The following MAGI1 variants were observed in gnomAD, a reference collection of about 807,000 sequenced individuals.
The protein encoded by MAGI1 is membrane-associated guanylate kinase, WW and PDZ domain-containing protein 1.
MAGI1 carries 58 observed loss-of-function variants against 139.9 expected under a neutral mutation model. The ratio of observed to expected loss-of-function variants is 0.41; its 90% CI spans 0.34 to 0.52. The LOEUF (loss-of-function observed/expected upper bound fraction) is 0.52. MAGI1 is among the 20% of genes least tolerant of loss of function. MAGI1 has a pLI of 0.12. For synonymous variants in MAGI1, 812 were observed against 737.9 expected, an observed-to-expected ratio of 1.10 and a Z score of -1.63; for missense variants, 1,874 against 1,901.6, an observed-to-expected ratio of 0.99 and a Z score of 0.27.
intron 1 of MAGI1, among the ~76,000 whole-genome samples, chr3:65,803,753 C>T (rs557187845): frequency 1.3e-5 from 2 of 152,112 alleles, no homozygotes; most frequent in Non-Finnish European, 2.9e-5. Flanking sequence ...TCTGTGTCCA[C>T]GTGTTCTCAT....
chr3:65,660,900 A>G (rs1438583835), intron 1 of MAGI1, among the ~76,000 whole-genome samples: 2 of 152,214 alleles, frequency 1.3e-5, no homozygotes, highest in East Asian at 3.8e-4. Context: ...TGGGAACAAG[A>G]TAGGTAAAGA....
chr3:65,846,520 C>T (rs1199587811), intron 1 of MAGI1, among the ~76,000 whole-genome samples: 4 of 152,186 alleles, frequency 2.6e-5, no homozygotes, highest in Admixed American at 2.6e-4. Context: ...GATGCTCTGC[C>T]ACCAGAGTCA....
At chr3:65,554,232 T>C (rs1331129606) in intron 2 of MAGI1, among the ~76,000 whole-genome samples, 2 of 152,186 alleles carry the variant, frequency 1.3e-5, no homozygotes, top group Non-Finnish European at 2.9e-5. Flanking sequence ...CACTATGTGA[T>C]ATAGAGTCAT....
At chr3:65,512,672 C>G (rs1453163951) in intron 2 of MAGI1, among the ~76,000 whole-genome samples, 1 of 150,656 alleles carries the variant, frequency 6.6e-6, no homozygotes, top group African/African-American at 2.4e-5. Context: ...CAATAGTTTA[C>G]CAACCAAAAA....
At chr3:65,521,766 G>T (rs2078174755) in intron 2 of MAGI1, among the ~76,000 whole-genome samples, 1 of 152,166 alleles carries the variant, frequency 6.6e-6, no homozygotes, top group African/African-American at 2.4e-5. Context: ...TAAGGCATTA[G>T]AAAGTCATTA....
At chr3:65,372,829 G>C (rs9833886) in intron 18 of MAGI1, among the ~76,000 whole-genome samples, 12,035 of 152,158 alleles carry the variant, frequency 0.079, 1,049 homozygotes, top group African/African-American at 0.21. Flanking sequence ...TAGCTTCAAA[G>C]TATCTTCTCT....
chr3:65,764,712 A>G (rs2037328649), intron 1 of MAGI1, among the ~76,000 whole-genome samples: 1 of 152,094 alleles, frequency 6.6e-6, no homozygotes, highest in African/African-American at 2.4e-5. Context: ...TTTTTCTTTA[A>G]GCATCTTCTT....
At chr3:65,526,433 G>C (rs2078383107) in intron 2 of MAGI1, among the ~76,000 whole-genome samples, 1 of 152,164 alleles carries the variant, frequency 6.6e-6, no homozygotes, top group Non-Finnish European at 1.5e-5. Flanking sequence ...TGCAACGTAT[G>C]TTATGCAGCA....
At chr3:65,481,418 T>C (rs1450975577) in intron 3 of MAGI1, among the ~76,000 whole-genome samples, 3 of 152,232 alleles carry the variant, frequency 2.0e-5, no homozygotes, top group East Asian at 3.8e-4. Context: ...GAAGACTCTT[T>C]AGTGAAGTTT....
intron 2 of MAGI1, chr3:65,609,689 A>G (rs1044022142): frequency 2.0e-4 from 38 of 191,904 alleles, no homozygotes; most frequent in African/African-American, 8.5e-4. Context: ...GACTCAGGTG[A>G]TCCTCCCACC....
chr3:65,377,513 C>T (rs1942644905), intron 17 of MAGI1, among the ~76,000 whole-genome samples: 1 of 152,216 alleles, frequency 6.6e-6, no homozygotes, highest in Non-Finnish European at 1.5e-5. Flanking sequence ...TAACCTGCCA[C>T]TTGACATATT....
intron 1 of MAGI1, among the ~76,000 whole-genome samples, chr3:65,723,071 C>A: frequency 6.6e-6 from 1 of 151,998 alleles, no homozygotes; most frequent in East Asian, 1.9e-4. Flanking sequence ...GTTGCCCGGA[C>A]TGTCATCATA....
In MAGI1 at chr3:65,379,336, G is replaced by T. The variant is rs150383800; in HGVS notation, c.2920C>A (p.Arg974=). The T allele has an allele frequency of 1.2e-6, 2 of 1,612,892 alleles. No homozygotes were observed. The highest frequency in any genetic ancestry group is 2.2e-5 in the East Asian group (1 of 44,812). The change falls in exon 17 of 23, where the codon CGG becomes AGG. Residue 974 remains arginine, a synonymous_variant. Transcript: ENST00000402939. ...TVVQPYDVEI[R]RGENEGFGFV... ...CCGAAGCCCTCGTTCTCCCCGCGCC[G>T]GATCTCCACGTCGTAGGGCTGCACC... is the stretch of plus-strand genomic sequence containing the variant.
At chr3:65,618,005 T>C (rs9879511) in intron 2 of MAGI1, among the ~76,000 whole-genome samples, 3 of 151,032 alleles carry the variant, frequency 2.0e-5, no homozygotes, top group African/African-American at 7.3e-5. Context: ...GCTTGGGGAG[T>C]AGGGGGAGAG....
intron 1 of MAGI1, among the ~76,000 whole-genome samples, chr3:65,989,040 A>G (rs956538819): frequency 1.3e-5 from 2 of 152,240 alleles, no homozygotes. Flanking sequence ...CCTCAAGTTA[A>G]TAAGTCGAAG....
Position 65,493,634 on chromosome 3 carries a change from G to A in MAGI1, c.431-3C>T, listed in dbSNP as rs762913655. ...TTCTCTGGGAGATCGGGTTGTGCCT[G>A]TAGCAGAAAATACAAAGGCACAACA... On this transcript the variant is annotated splice_polypyrimidine_tract_variant and splice_region_variant and intron_variant, in intron 2 of 22. Transcript: ENST00000402939. The A allele has an allele frequency of 1.2e-6, 2 of 1,613,842 alleles. No homozygotes were observed. The highest frequency in any genetic ancestry group is 2.7e-5 in the African/African-American group (2 of 74,926).
intron 3 of MAGI1, among the ~76,000 whole-genome samples, chr3:65,480,578 A>T (rs892492193): frequency 1.3e-4 from 17 of 135,464 alleles, no homozygotes; most frequent in African/African-American, 4.0e-4. Context: ...TCTTATAAAT[A>T]AGGTTTCTTT....
chr3:65,622,010 T>C lies in MAGI1; in HGVS notation c.392A>G (p.Gln131Arg). 1.2e-6 allele frequency: 2 copies of C among 1,613,966 alleles called. No homozygotes were observed. Among genetic ancestry groups the C allele is most frequent in the Non-Finnish European group, 1.7e-6 (2 of 1,179,908 alleles). The change falls in exon 2 of 23, where the codon CAG (glutamine) becomes CGG (arginine). Residue 131 changes from glutamine (Q) to arginine (R), a missense_variant. Gln to Arg is a conservative substitution (Grantham distance 43). Coordinates refer to ENST00000402939, the MANE Select transcript of MAGI1 (RefSeq NM_001033057.2). ...GCGGTAAAGGTTATCCCTTATGGTC[T>C]GCTGGAGCTCATGATCAGGAGACCC... The part of the protein sequence containing the change: ...QKGSPDHELQ[Q>R]TIRDNLYRHA...
At chr3:65,780,378 AT>A (rs1407600013) in intron 1 of MAGI1, among the ~76,000 whole-genome samples, 3 of 152,230 alleles carry the variant, frequency 2.0e-5, no homozygotes, top group Non-Finnish European at 4.4e-5. Context: ...TAATTCTGAA[AT>A]TACCAACTTG....
Sources: allele counts gnomAD v4.1 joint callset (sites outside exome capture counted in the v4.1 genomes callset), GRCh38; gene constraint gnomAD v4.1.1; transcripts MANE v1.5; gene names NCBI Gene and HGNC (gene_info 2026-07-23, HGNC 2026-07-21).